The following GRIP1 variants were observed in gnomAD, a reference collection of about 807,000 sequenced individuals.
GRIP1 encodes glutamate receptor interacting protein 1, also known as glutamate receptor-interacting protein 1.
Under a neutral mutation model 129.9 loss-of-function variants are expected in GRIP1, and 45 were observed. The observed-to-expected ratio is 0.35, with a 90% confidence interval of 0.27 to 0.44. GRIP1 has a LOEUF of 0.44. GRIP1 is among the 20% of genes least tolerant of loss of function. The pLI is 1.00. For synonymous variants in GRIP1, 530 were observed against 520.8 expected (o/e 1.02, Z -0.24); for missense variants, 1,196 against 1,396.8 (o/e 0.86, Z 2.29).
chr12:66,574,790 T>TTTTTTTTTTTTTTTTTTTC (rs55885862), intron 2 of GRIP1, among the ~76,000 whole-genome samples: 1 of 142,068 alleles, frequency 7.0e-6, no homozygotes, highest in African/African-American at 2.6e-5. Context: ...CACTTTTCTT[T>TTTTTTTTTTTTTTTTTTTC]TTTTTTTTTT....
intron 1 of GRIP1, 37 bp from the exon 2 acceptor site, chr12:66,596,964 TC>T: frequency 7.3e-7 from 1 of 1,375,578 alleles, no homozygotes; most frequent in Non-Finnish European, 1.0e-6. Flanking sequence ...TTAATTTCCA[TC>T]CAGTTTCTAA....
At chr12:66,625,746 C>T (rs1288662508) in intron 1 of GRIP1, among the ~76,000 whole-genome samples, 1 of 152,086 alleles carries the variant, frequency 6.6e-6, no homozygotes, top group African/African-American at 2.4e-5. Context: ...TTAAGATAGT[C>T]TAGCAAATGT....
At chr12:66,759,360 C>G (rs2037399043) in intron 1 of GRIP1, among the ~76,000 whole-genome samples, 3 of 152,208 alleles carry the variant, frequency 2.0e-5, no homozygotes, top group Admixed American at 2.0e-4. Flanking sequence ...AACCCTGGGC[C>G]CAGCCCTCAA....
chr12:66,470,385 T>C (rs754455262), intron 7 of GRIP1, among the ~76,000 whole-genome samples: 2 of 152,142 alleles, frequency 1.3e-5, no homozygotes, highest in Non-Finnish European at 2.9e-5. Context: ...TTCATTTATG[T>C]TGTTCTCTCT....
chr12:66,654,683 G>A (rs2033030066), intron 1 of GRIP1, among the ~76,000 whole-genome samples: 1 of 152,156 alleles, frequency 6.6e-6, no homozygotes. Context: ...AAGGAGGAGA[G>A]GAGGGCTGTG....
At chr12:67,036,199 T>C (rs922455356) in intron 1 of GRIP1, among the ~76,000 whole-genome samples, 1 of 152,194 alleles carries the variant, frequency 6.6e-6, no homozygotes, top group Admixed American at 6.5e-5. Flanking sequence ...AAAAACTTAG[T>C]AGCCGAGTTT....
chr12:67,050,319 G>A (rs1451776226), intron 1 of GRIP1, among the ~76,000 whole-genome samples: 2 of 151,978 alleles, frequency 1.3e-5, no homozygotes, highest in Admixed American at 6.6e-5. Context: ...AGAAAATAAA[G>A]CTGTCTTAGG....
chr12:66,506,541 G>A (rs1488612676), intron 7 of GRIP1, among the ~76,000 whole-genome samples: 1 of 152,146 alleles, frequency 6.6e-6, no homozygotes, highest in Non-Finnish European at 1.5e-5. Flanking sequence ...GAAGGGATGG[G>A]AGAAAACACA....
intron 1 of GRIP1, among the ~76,000 whole-genome samples, chr12:66,859,100 T>A (rs1407794374): frequency 6.6e-6 from 1 of 151,796 alleles, no homozygotes; most frequent in Non-Finnish European, 1.5e-5. Context: ...TTTGCACATT[T>A]GGGAATATGA....
chr12:67,009,810 T>C (rs1252680550), intron 1 of GRIP1, among the ~76,000 whole-genome samples: 1 of 152,198 alleles, frequency 6.6e-6, no homozygotes, highest in Non-Finnish European at 1.5e-5. Flanking sequence ...AGCTACCCTC[T>C]TTAAGATAGT....
intron 1 of GRIP1, among the ~76,000 whole-genome samples, chr12:66,849,497 C>A (rs1452829744): frequency 6.6e-6 from 1 of 152,030 alleles, no homozygotes; most frequent in Non-Finnish European, 1.5e-5. Flanking sequence ...TTCCTGTAAT[C>A]CAACCTACTC....
intron 11 of GRIP1, among the ~76,000 whole-genome samples, chr12:66,451,448 GGCTGGAGCAT>G (rs2058803716): frequency 8.6e-6 from 1 of 116,144 alleles, no homozygotes; most frequent in African/African-American, 3.3e-5. Flanking sequence ...CTGTTGCCCA[GGCTGGAGCAT>G]AGTGGCAGAA....
intron 1 of GRIP1, among the ~76,000 whole-genome samples, chr12:67,035,336 G>A (rs1350316699): frequency 2.6e-5 from 4 of 152,180 alleles, no homozygotes; most frequent in African/African-American, 9.7e-5. Context: ...GTGCATGGGG[G>A]AGGGTTCGCA....
At chr12:66,659,642 C>G (rs2033379437) in intron 1 of GRIP1, among the ~76,000 whole-genome samples, 1 of 152,178 alleles carries the variant, frequency 6.6e-6, no homozygotes, top group Admixed American at 6.5e-5. Flanking sequence ...TCTATATGTA[C>G]ACAATCTAAT....
chr12:66,515,416 T>C (rs914093573), intron 7 of GRIP1, among the ~76,000 whole-genome samples: 2 of 152,188 alleles, frequency 1.3e-5, no homozygotes, highest in African/African-American at 4.8e-5. Context: ...TTATGGAACC[T>C]ATTGACATGA....
At chr12:66,948,359 T>C (rs1465708074) in intron 1 of GRIP1, among the ~76,000 whole-genome samples, 1 of 152,218 alleles carries the variant, frequency 6.6e-6, no homozygotes, top group Non-Finnish European at 1.5e-5. Flanking sequence ...CTTAGCTAAA[T>C]GAGCTGTGGC....
chr12:66,398,131 A>G (rs1202139821), intron 16 of GRIP1, among the ~76,000 whole-genome samples: 4 of 152,100 alleles, frequency 2.6e-5, no homozygotes, highest in Non-Finnish European at 5.9e-5. Flanking sequence ...GCTTCCTCCT[A>G]AACAGTTTTC....
chr12:66,473,149 G>A (rs983434426), intron 7 of GRIP1, among the ~76,000 whole-genome samples: 5 of 152,096 alleles, frequency 3.3e-5, no homozygotes, highest in Non-Finnish European at 4.4e-5. Flanking sequence ...GGGGAGGGGC[G>A]TCCCTCAATA....
chr12:67,033,526 C>T (rs908742122), intron 1 of GRIP1, among the ~76,000 whole-genome samples: 1 of 152,098 alleles, frequency 6.6e-6, no homozygotes, highest in African/African-American at 2.4e-5. Flanking sequence ...TCACACATCA[C>T]AGAAGTAGCA....
Sources: gnomAD v4.1 joint callset for allele counts (sites outside exome capture counted in the v4.1 genomes callset) on GRCh38, gnomAD v4.1.1 for gene constraint, MANE v1.5 for transcripts, NCBI Gene and HGNC (gene_info 2026-07-23, HGNC 2026-07-21) for gene names.